CCNL2: variants seen among roughly 807,000 people sequenced by gnomAD.
The protein encoded by CCNL2 is cyclin L2, also known as cyclin-L2.
A neutral mutation model predicts 59.1 loss-of-function variants in CCNL2; 28 were observed. The observed-to-expected ratio is 0.47, with a 90% CI of 0.35 to 0.65. The LOEUF (loss-of-function observed/expected upper bound fraction) is 0.65, where lower values mean the gene tolerates loss of function less well. Among genes scored for constraint, CCNL2 ranks in the 30% least tolerant of loss-of-function variants. CCNL2 has a pLI of 0.00. For missense variants in CCNL2, 714 were observed against 717.4 expected (o/e 1.00, Z 0.05); for synonymous variants, 342 against 288.6 (o/e 1.19, Z -1.88).
chr1:1,398,669 C>T lies in CCNL2; in HGVS notation c.291G>A (p.Val97=), dbSNP rs1645188172. Residue 97 remains valine (V), a splice_region_variant and synonymous_variant, in exon 2 of 11, where the codon GTG becomes GTA. Coordinates refer to ENST00000400809, the MANE Select transcript of CCNL2 (RefSeq NM_030937.6). ...AAGILLRLPQ[V]AMATGQVLFQ... ...ACAACACCTGCCCGGTAGCCATGGC[C>T]ACCTAGAGTAGAAGAAAGTTTCCGT... is the stretch of plus-strand genomic sequence containing the variant. 1.2e-6 allele frequency: 2 copies of T among 1,612,578 alleles called. No homozygotes were observed. Among genetic ancestry groups the T allele is most frequent in the African/African-American group, 1.3e-5 (1 of 74,480 alleles).
intron 6 of CCNL2, 62 bp from the exon 7 acceptor site, chr1:1,390,625 G>A: frequency 6.6e-7 from 1 of 1,514,238 alleles, no homozygotes; most frequent in South Asian, 1.1e-5. Context: ...CAAGACTCAG[G>A]ACAATTAAAA....
In CCNL2 at chr1:1,390,298, C is replaced by A. The variant is rs762494947; in HGVS notation, c.938G>T (p.Arg313Leu). 12 of 1,613,750 alleles carry A rather than the reference C, an allele frequency of 7.4e-6. No individual in the cohort carries two copies. In the East Asian group the frequency reaches 2.5e-4, roughly 33 times the overall value. The change falls in exon 8 of 11, where the codon CGG becomes CTG. Residue 313 changes from arginine to leucine, a missense_variant. Physicochemically the swap from Arg to Leu is moderately radical, Grantham distance 102. This residue lies in a region of CCNL2 where 403 missense variants were observed against 377.7 expected (regional missense o/e 1.07). Coordinates refer to ENST00000400809, the MANE Select transcript of CCNL2 (RefSeq NM_030937.6). ...CTGTGTGCCCCCAGGCAACAGGCCC[C>A]GGGCTTGGGCCTTTGCCTCTTCGAT... ...HAIEEAKAQARGLLPGGTQVL... is the reference protein window; with the variant it reads ...HAIEEAKAQALGLLPGGTQVL...
In CCNL2 at chr1:1,390,306, G is replaced by GGCCTTT. The variant is rs762145584; in HGVS notation, c.924_929dup (p.Lys309_Ala310dup). ...CCCCAGGCAACAGGCCCCGGGCTTG[G>GGCCTTT]GCCTTTGCCTCTTCGATAGCGTGCT... On this transcript the variant is annotated inframe_insertion, in exon 8 of 11. Transcript: ENST00000400809. 1.2e-5 allele frequency: 20 copies of GGCCTTT among 1,613,916 alleles called. No individual in the cohort carries two copies. The South Asian group carries it at 2.2e-4, about 18-fold the overall frequency.
chr1:1,388,215 C>T (rs989946752), intron 8 of CCNL2, 150 bp from the exon 9 acceptor site: 2 of 634,266 alleles, frequency 3.2e-6, no homozygotes, highest in Non-Finnish European at 5.5e-6. Flanking sequence ...CCAGAACTTA[C>T]ACAGACATCA....
At chr1:1,394,423 A>G (rs1240747) in intron 4 of CCNL2, among the ~76,000 whole-genome samples, 66,653 of 152,032 alleles carry the variant, frequency 0.44, 21,508 homozygotes, top group East Asian at 0.98. Flanking sequence ...TCCATAAGAG[A>G]AAGTAAAGCT....
At chr1:1,395,608 A>G in intron 3 of CCNL2, 94 bp from the exon 4 acceptor site, 1 of 1,536,778 alleles carries the variant, frequency 6.5e-7, no homozygotes, top group Non-Finnish European at 8.8e-7. Context: ...CACCTAACAC[A>G]AACCCCACAA....
Position 1,387,173 on chromosome 1 carries a change from C to T in CCNL2, c.*58G>A, listed in dbSNP as rs1360583350. On this transcript the variant is annotated 3_prime_UTR_variant, in exon 11 of 11. Transcript: ENST00000400809. ...AGGGCAGCCACCGGGGGTCAAAGGG[C>T]AGCCATCAGGTACTCCCCAGGGAAG... 3 of 1,423,156 alleles carry T rather than the reference C, an allele frequency of 2.1e-6. No individual in the cohort carries two copies. The highest frequency in any genetic ancestry group is 2.9e-6 in the Non-Finnish European group (3 of 1,038,858). The allele number at this position is 1,423,156 out of a possible 1,614,324, so 88.2% of individuals were successfully genotyped here.
Position 1,396,889 on chromosome 1 carries a change from C to T in CCNL2, c.473+1344G>A, listed in dbSNP as rs903577261. Among the ~76,000 whole-genome samples, 48 of 152,260 alleles carry T rather than the reference C, an allele frequency of 3.2e-4. 2 individuals are homozygous for T. Among genetic ancestry groups the T allele is most frequent in the Admixed American group, 9.8e-4 (15 of 15,294 alleles). On this transcript the variant is annotated intron_variant, in intron 3 of 10. Coordinates refer to ENST00000400809, the MANE Select transcript of CCNL2 (RefSeq NM_030937.6). ...TCAGCCTCCCAAGTAGCTGGGACCA[C>T]AGGCACCCGCCACCACGCCTGGCTA...
chr1:1,397,997 GC>G (rs912594480), intron 3 of CCNL2, among the ~76,000 whole-genome samples: 4 of 152,202 alleles, frequency 2.6e-5, no homozygotes, highest in African/African-American at 9.6e-5. Context: ...CAGGAAGCCA[GC>G]CCCAGCGCGA....
Position 1,399,254 on chromosome 1 carries a change from G to A in CCNL2, c.53C>T (p.Ala18Val), listed in dbSNP as rs774768084. Residue 18 changes from alanine to valine, a missense_variant, in exon 1 of 11, where the codon GCA (alanine) becomes GTA (valine). By Grantham distance (64) the Ala-to-Val change is moderately conservative. This residue lies in a region of CCNL2 where 270 missense variants were observed against 254.9 expected (regional missense o/e 1.06). Transcript: ENST00000400809. ...CCCAGATCCCGGGGCGCCGGCCGCT[G>A]CCGCGGGAGCTGCCGACCCTGCAGC... ...AGAAGSAAPA[A>V]AAGAPGSGGA... 5.1e-6 allele frequency: 8 copies of A among 1,583,312 alleles called. No individual in the cohort carries two copies. Among genetic ancestry groups the A allele is most frequent in the Non-Finnish European group, 5.1e-6 (6 of 1,168,198 alleles).
At position 1,387,329 on chromosome 1, in the gene CCNL2, A is replaced by G. The variant is rs1644504910; in HGVS notation, c.1465T>C (p.Tyr489His). Residue 489 changes from tyrosine to histidine, a missense_variant, in exon 11 of 11, where the codon TAC (tyrosine) becomes CAC (histidine). Physicochemically the swap from Tyr to His is moderately conservative, Grantham distance 83 (BLOSUM62 2). Coordinates refer to ENST00000400809, the MANE Select transcript of CCNL2 (RefSeq NM_030937.6). ...NPGKYKKKSH[Y>H]YRDQRRERSR... ...CGCTCTCGTCGCTGATCTCTGTAGT[A>G]ATGACTTTTCTTCTTGTATTTTCCC... The G allele has an allele frequency of 1.2e-6, 2 of 1,613,998 alleles. No homozygotes were observed. Among genetic ancestry groups the G allele is most frequent in the East Asian group, 4.5e-5 (2 of 44,882 alleles).
intron 5 of CCNL2, chr1:1,391,347 C>T: frequency 8.6e-7 from 1 of 1,160,204 alleles, no homozygotes. Flanking sequence ...GGAGACAAGC[C>T]ATCCTCTTGG....
chr1:1,398,686 A>C lies in CCNL2; in HGVS notation c.289-15T>G. 6.2e-7 allele frequency: 1 copy of C among 1,611,772 alleles called. No homozygotes were observed. Among genetic ancestry groups the C allele is most frequent in the Admixed American group, 1.7e-5 (1 of 59,992 alleles). The stretch of plus-strand genomic sequence containing the variant: ...GCCATGGCCACCTAGAGTAGAAGAA[A>C]GTTTCCGTATTTTCAAACGCACCAT... On this transcript the variant is annotated splice_polypyrimidine_tract_variant and intron_variant, in intron 1 of 10. Coordinates refer to ENST00000400809, the MANE Select transcript of CCNL2 (RefSeq NM_030937.6).
chr1:1,395,562 G>A (rs774938339), intron 3 of CCNL2, 48 bp from the exon 4 acceptor site: 77 of 1,608,048 alleles, frequency 4.8e-5, no homozygotes, highest in Non-Finnish European at 6.1e-5. Flanking sequence ...AGCAGAGCAA[G>A]GCTTCTGAGA....
chr1:1,395,651 T>G, intron 3 of CCNL2, 137 bp from the exon 4 acceptor site: 1 of 1,230,644 alleles, frequency 8.1e-7, no homozygotes, highest in Middle Eastern at 2.5e-4. Context: ...CATCCTCTGA[T>G]GAACAAAACT....
intron 8 of CCNL2, among the ~76,000 whole-genome samples, chr1:1,389,723 G>A (rs1360064167): frequency 6.6e-6 from 1 of 152,164 alleles, no homozygotes; most frequent in Non-Finnish European, 1.5e-5. Context: ...ACTTTGGGAG[G>A]CTGAGGTGGG....
In CCNL2 at chr1:1,390,345, T is replaced by A; in HGVS notation, c.891A>T (p.Glu297Asp). 1 of 1,613,902 alleles carries A rather than the reference T, an allele frequency of 6.2e-7. No individual in the cohort carries two copies. The highest frequency in any genetic ancestry group is 8.5e-7 in the Non-Finnish European group (1 of 1,179,844). ...KKVDLTHLEGEVEKRKHAIEE... is the reference protein window; with the variant it reads ...KKVDLTHLEGDVEKRKHAIEE... ...CGATAGCGTGCTTTCTTTTTTCCACTTCACCCTCCAGGTGTGTGAGATCAA... is the reference window on the plus strand; with the variant it reads ...CGATAGCGTGCTTTCTTTTTTCCACATCACCCTCCAGGTGTGTGAGATCAA... Residue 297 changes from glutamate to aspartate, a missense_variant, in exon 8 of 11, where the codon GAA becomes GAT. Glu to Asp is a conservative substitution (Grantham distance 45, BLOSUM62 2). This residue lies in a region of CCNL2 where 403 missense variants were observed against 377.7 expected (regional missense o/e 1.07). Coordinates refer to ENST00000400809, the MANE Select transcript of CCNL2 (RefSeq NM_030937.6).
intron 4 of CCNL2, among the ~76,000 whole-genome samples, chr1:1,394,086 T>C (rs567349574): frequency 1.3e-5 from 2 of 151,254 alleles, no homozygotes; most frequent in Non-Finnish European, 2.9e-5. Flanking sequence ...GGTTGCGCCA[T>C]TGCACTCCAG....
intron 3 of CCNL2, among the ~76,000 whole-genome samples, chr1:1,396,706 A>C (rs919986591): frequency 6.7e-6 from 1 of 149,200 alleles, no homozygotes; most frequent in Non-Finnish European, 1.5e-5. Flanking sequence ...CACCCTCCCG[A>C]ATAGCTGGGA....
Sources: allele counts gnomAD v4.1 joint callset (sites outside exome capture counted in the v4.1 genomes callset), GRCh38; gene constraint gnomAD v4.1.1; regional missense constraint gnomAD v4.1.1; transcripts MANE v1.5; gene names NCBI Gene and HGNC (gene_info 2026-07-23, HGNC 2026-07-21).